The following CDK5RAP2 variants were observed in gnomAD, a reference collection of about 807,000 sequenced individuals.
CDK5RAP2 encodes CDK5 regulatory subunit-associated protein 2.
CDK5RAP2 carries 147 observed loss-of-function variants against 232.9 expected under a neutral mutation model. The observed-to-expected ratio is 0.63, with a 90% CI of 0.55 to 0.72. The LOEUF is 0.72. CDK5RAP2 is among the 30% of genes least tolerant of loss of function. The probability of loss-of-function intolerance (pLI) is 0.00; values close to 1 mark genes in which losing one functional copy is unlikely to be tolerated. For missense variants in CDK5RAP2, 2,195 were observed against 2,231.5 expected, an observed-to-expected ratio of 0.98 and a Z score of 0.33; for synonymous variants, 833 against 833.7, an observed-to-expected ratio of 1.00 and a Z score of 0.01.
At chr9:120,418,956 T>C (rs2034401388) in intron 27 of CDK5RAP2, among the ~76,000 whole-genome samples, 1 of 152,222 alleles carries the variant, frequency 6.6e-6, no homozygotes. Flanking sequence ...AAAGGTGTTA[T>C]GGACTGAATG....
At position 120,403,121 on chromosome 9, in the gene CDK5RAP2, G is replaced by A. The variant is rs374915384; in HGVS notation, c.5042-50C>T. 3.8e-5 allele frequency: 61 copies of A among 1,590,862 alleles called. No individual in the cohort carries two copies. The highest frequency in any genetic ancestry group is 8.9e-5 in the East Asian group (4 of 44,800). On this transcript the variant is annotated intron_variant, in intron 33 of 37. Coordinates refer to ENST00000349780, the MANE Select transcript of CDK5RAP2 (RefSeq NM_018249.6). This position sits in a 1 kb window ranked among gnomAD's most constrained non-coding sequence, Gnocchi z 4.2. The stretch of plus-strand genomic sequence containing the variant: ...AAATCTGTTTCAGGTAACACTCTGC[G>A]TTCAAGACGCTTATGATGTTGAAGC...
At chr9:120,418,567 C>CT (rs1035215664) in intron 27 of CDK5RAP2, among the ~76,000 whole-genome samples, 1 of 152,124 alleles carries the variant, frequency 6.6e-6, no homozygotes, top group African/African-American at 2.4e-5. Context: ...AGAAGTGGCA[C>CT]TAGGGACAGG....
chr9:120,542,896 C>T (rs979817876), intron 5 of CDK5RAP2, among the ~76,000 whole-genome samples: 1 of 152,158 alleles, frequency 6.6e-6, no homozygotes, highest in Non-Finnish European at 1.5e-5. Flanking sequence ...AAGCCATGCG[C>T]GGTTCCAGAT....
intron 15 of CDK5RAP2, among the ~76,000 whole-genome samples, chr9:120,475,258 TCTCCCA>T (rs1190587015): frequency 3.7e-4 from 56 of 152,208 alleles, no homozygotes; most frequent in African/African-American, 1.1e-3. Context: ...CCTAGGTCTG[TCTCCCA>T]CTGAATGTAT....
intron 25 of CDK5RAP2, among the ~76,000 whole-genome samples, chr9:120,425,425 G>A (rs2034832037): frequency 6.6e-6 from 1 of 152,206 alleles, no homozygotes; most frequent in Admixed American, 6.5e-5. Context: ...TCATGAAAAT[G>A]CTGCTCCCAT....
At chr9:120,425,955 C>T (rs897078155) in intron 25 of CDK5RAP2, among the ~76,000 whole-genome samples, 8 of 152,156 alleles carry the variant, frequency 5.3e-5, no homozygotes, top group African/African-American at 1.4e-4. Flanking sequence ...TGTGGGAAGG[C>T]ACACAGAGGA....
chr9:120,442,525 G>T (rs2035958888), intron 23 of CDK5RAP2, among the ~76,000 whole-genome samples: 3 of 152,186 alleles, frequency 2.0e-5, no homozygotes, highest in Admixed American at 2.0e-4. Context: ...AGTTCTGGAA[G>T]CACATTCAGA....
chr9:120,530,541 G>A (rs2041104059), intron 7 of CDK5RAP2, among the ~76,000 whole-genome samples: 6 of 152,068 alleles, frequency 3.9e-5, no homozygotes, highest in Admixed American at 3.3e-4. Flanking sequence ...TGGAAAAAAC[G>A]GAATGTCTTG....
intron 5 of CDK5RAP2, among the ~76,000 whole-genome samples, chr9:120,545,091 A>G (rs1366355343): frequency 6.6e-6 from 1 of 152,194 alleles, no homozygotes; most frequent in Non-Finnish European, 1.5e-5. Flanking sequence ...TCTCTCAAGC[A>G]AAATATTACG....
chr9:120,533,277 C>T (rs2041236217), intron 7 of CDK5RAP2, among the ~76,000 whole-genome samples: 1 of 152,126 alleles, frequency 6.6e-6, no homozygotes, highest in South Asian at 2.1e-4. Context: ...AGGCCACACT[C>T]AGTAGTTGGT....
At chr9:120,462,710 G>C (rs896795195) in intron 18 of CDK5RAP2, among the ~76,000 whole-genome samples, 4 of 152,218 alleles carry the variant, frequency 2.6e-5, no homozygotes, top group Admixed American at 6.5e-5. Flanking sequence ...TTAACCCATA[G>C]TGGGACAAAA....
intron 5 of CDK5RAP2, among the ~76,000 whole-genome samples, chr9:120,542,228 G>T (rs975973477): frequency 6.6e-6 from 1 of 152,226 alleles, no homozygotes; most frequent in African/African-American, 2.4e-5. Flanking sequence ...GCACGGCCAG[G>T]CATGGTGGCT....
rs774482531 is a variant in CDK5RAP2, at chr9:120,439,416, T to G, written c.3705A>C (p.Arg1235Ser). ...SEIHNLQNKF[R>S]DLSPPRYDSL... ...GAACGTACCTGGGAGGTGAGAGATC[T>G]CTGAACTTATTCTGCAGATTATGGA... The change falls in exon 24 of 38, where the codon AGA becomes AGC. Residue 1235 changes from arginine to serine, a missense_variant. Arg to Ser is a moderately radical substitution (Grantham distance 110). Coordinates refer to ENST00000349780, the MANE Select transcript of CDK5RAP2 (RefSeq NM_018249.6). The G allele has an allele frequency of 6.2e-7, 1 of 1,614,130 alleles. No homozygotes were observed. The highest frequency in any genetic ancestry group is 1.7e-5 in the Admixed American group (1 of 60,018).
chr9:120,410,125 C>T (rs766745885), intron 29 of CDK5RAP2, among the ~76,000 whole-genome samples: 6 of 152,164 alleles, frequency 3.9e-5, no homozygotes, highest in Non-Finnish European at 8.8e-5. Flanking sequence ...AAGGCAGGCA[C>T]TATTATTCTC....
Position 120,518,630 on chromosome 9 carries a change from CAT to C in CDK5RAP2, c.1106_1107del (p.Tyr369Ter). 6.2e-7 allele frequency: 1 copy of C among 1,613,702 alleles called. No individual in the cohort carries two copies. Among genetic ancestry groups the C allele is most frequent in the Non-Finnish European group, 8.5e-7 (1 of 1,179,904 alleles). Reference protein sequence around the residue: ...QTQEFQGSEDYETALSGKEAL... With the variant: ...QTQEFQGSEDXETALSGKEAL... ...GCTTCCTTTCCTGATAGAGCAGTCTCATAGTCTTCAGACCCCTAGAAGAGAAG... is the reference window on the plus strand; with the variant it reads ...GCTTCCTTTCCTGATAGAGCAGTCTCAGTCTTCAGACCCCTAGAAGAGAAG... On this transcript the variant is annotated frameshift_variant, in exon 12 of 38. Transcript: ENST00000349780. LOFTEE classifies it high-confidence loss of function.
chr9:120,408,483 C>T lies in CDK5RAP2; in HGVS notation c.4605-15G>A, dbSNP rs756634521. 1.2e-6 allele frequency: 2 copies of T among 1,614,068 alleles called. No individual in the cohort carries two copies. The highest frequency in any genetic ancestry group is 8.5e-7 in the Non-Finnish European group (1 of 1,179,986). ...CCTCCTGCACCCTGAGAAGGCCCCA[C>T]AGGCATGAGAAGGACAGGTTAATTC... On this transcript the variant is annotated splice_polypyrimidine_tract_variant and intron_variant, in intron 30 of 37. Coordinates refer to ENST00000349780, the MANE Select transcript of CDK5RAP2 (RefSeq NM_018249.6).
intron 27 of CDK5RAP2, among the ~76,000 whole-genome samples, chr9:120,416,768 A>G (rs1404686430): frequency 6.6e-6 from 1 of 152,232 alleles, no homozygotes; most frequent in Non-Finnish European, 1.5e-5. Context: ...TAATTTATCA[A>G]TTAGGGTATA....
intron 11 of CDK5RAP2, among the ~76,000 whole-genome samples, chr9:120,519,160 C>T (rs1217314145): frequency 1.4e-5 from 2 of 146,890 alleles, no homozygotes; most frequent in African/African-American, 2.5e-5. Context: ...GGTGACAGAG[C>T]GAGACTCCGT....
At chr9:120,523,358 T>C (rs1238367934) in intron 11 of CDK5RAP2, among the ~76,000 whole-genome samples, 2 of 152,232 alleles carry the variant, frequency 1.3e-5, no homozygotes, top group African/African-American at 4.8e-5. Context: ...AACAGATTTT[T>C]ACCCAAGCAA....
Sources: gnomAD v4.1 joint callset for allele counts (sites outside exome capture counted in the v4.1 genomes callset) on GRCh38, gnomAD v4.1.1 for gene constraint, Gnocchi (gnomAD v3.1) non-coding constraint, MANE v1.5 for transcripts, NCBI Gene and HGNC (gene_info 2026-07-23, HGNC 2026-07-21) for gene names.